The following TBC1D16 variants were observed in gnomAD, a reference collection of about 807,000 sequenced individuals.
TBC1D16 encodes the protein TBC1 domain family member 16.
TBC1D16 carries 58 observed loss-of-function variants against 74.7 expected under a neutral mutation model. The observed-to-expected ratio is 0.78, with a 90% CI of 0.63 to 0.97. The LOEUF (loss-of-function observed/expected upper bound fraction) is 0.97. Among genes scored for constraint, TBC1D16 ranks in the 50% least tolerant of loss-of-function variants. The pLI, the probability that TBC1D16 is intolerant of heterozygous loss-of-function variation, is 0.00. For synonymous variants in TBC1D16, 493 were observed against 474.7 expected, an observed-to-expected ratio of 1.04 and a Z score of -0.50; for missense variants, 1,014 against 1,079.5, an observed-to-expected ratio of 0.94 and a Z score of 0.85.
intron 3 of TBC1D16, among the ~76,000 whole-genome samples, chr17:80,004,329 G>A (rs986476016): frequency 3.3e-5 from 5 of 152,186 alleles, no homozygotes; most frequent in South Asian, 2.1e-4. Flanking sequence ...CCTGCTTTGC[G>A]TCTGATTCAC....
chr17:80,010,234 C>A lies in TBC1D16; in HGVS notation c.705G>T (p.Ser235=). The A allele has an allele frequency of 6.2e-7, 1 of 1,613,268 alleles. No homozygotes were observed. Among genetic ancestry groups the A allele is most frequent in the South Asian group, 1.1e-5 (1 of 90,986 alleles). ...SFDSDSDTFS[S]PFCLSPISAA... ...CGCTGATGGGCGAGAGGCAGAAGGG[C>A]GAGGAGAAGGTGTCTGAGTCTGAGT... The change falls in exon 3 of 12, where the codon TCG becomes TCT. Residue 235 remains serine, a synonymous_variant. Transcript: ENST00000310924. This position sits in a 1 kb window ranked among gnomAD's most constrained non-coding sequence, Gnocchi z 8.8.
rs149469365 is a variant in TBC1D16 at position 80,007,087 on chromosome 17, C to T, written c.779+3073G>A. Among the ~76,000 whole-genome samples, 1,659 of 152,360 alleles carry T rather than the reference C, an allele frequency of 0.011. 17 individuals carry two copies. Among genetic ancestry groups the T allele is most frequent in the Middle Eastern group, 0.034 (10 of 294 alleles). ...GGGGTGGGGAGAGTCCCATCCACATCCACCTCGTCCCAGCACAAAGCTGCA... is the reference window on the plus strand; with the variant it reads ...GGGGTGGGGAGAGTCCCATCCACATTCACCTCGTCCCAGCACAAAGCTGCA... On this transcript the variant is annotated intron_variant, in intron 3 of 11. Coordinates refer to ENST00000310924, the MANE Select transcript of TBC1D16 (RefSeq NM_019020.4). This position sits in a 1 kb window ranked among gnomAD's most constrained non-coding sequence, Gnocchi z 4.5.
chr17:80,002,630 T>C lies in TBC1D16; in HGVS notation c.779+7530A>G, dbSNP rs556854517. Among the ~76,000 whole-genome samples the C allele has an allele frequency of 7.2e-5, 11 of 152,322 alleles. No individual in the cohort carries two copies. The East Asian group carries it at 2.1e-3, about 29-fold the overall frequency. ...TGTCCTGCTGGGAGGGTCGCTACGTTTCTAGGGTCCACCTTCCATCCTCCC... is the reference window on the plus strand; with the variant it reads ...TGTCCTGCTGGGAGGGTCGCTACGTCTCTAGGGTCCACCTTCCATCCTCCC... On this transcript the variant is annotated intron_variant, in intron 3 of 11. Transcript: ENST00000310924.
In TBC1D16 at chr17:80,001,641, C is replaced by G. The variant is rs1047792788; in HGVS notation, c.779+8519G>C. On this transcript the variant is annotated intron_variant, in intron 3 of 11. Coordinates refer to ENST00000310924, the MANE Select transcript of TBC1D16 (RefSeq NM_019020.4). This position sits in a 1 kb window ranked among gnomAD's most constrained non-coding sequence, Gnocchi z 5.8. ...AGGATGCAGCCCTCCCAGCTCCTGG[C>G]CATCCCACCTCCGAGGTCTCTCTGG... Among the ~76,000 whole-genome samples, 1 of 152,264 alleles carries G rather than the reference C, an allele frequency of 6.6e-6. No individual in the cohort carries two copies. Among genetic ancestry groups the G allele is most frequent in the Admixed American group, 6.5e-5 (1 of 15,304 alleles).
chr17:79,960,807 A>AC (rs2033573801), intron 3 of TBC1D16, among the ~76,000 whole-genome samples: 6 of 141,622 alleles, frequency 4.2e-5, no homozygotes, highest in African/African-American at 1.3e-4. Context: ...AAAAAAAAAA[A>AC]AACGAAGGAA....
intron 9 of TBC1D16, among the ~76,000 whole-genome samples, chr17:79,946,534 C>T (rs1247610459): frequency 1.3e-5 from 2 of 152,214 alleles, no homozygotes; most frequent in African/African-American, 2.4e-5. Context: ...CTGGGGAACC[C>T]CGTTCTACAA....
Position 80,013,554 on chromosome 17 carries a change from G to T in TBC1D16, c.-7C>A. ...GGAGGCGGCCCAGAGACATTGCCGG[G>T]CAAGTGTTTCCATCCTCCGCATGCG... is the stretch of plus-strand genomic sequence containing the variant. On this transcript the variant is annotated 5_prime_UTR_variant, in exon 2 of 12. Coordinates refer to ENST00000310924, the MANE Select transcript of TBC1D16 (RefSeq NM_019020.4). The T allele has an allele frequency of 6.7e-7, 1 of 1,493,580 alleles. No homozygotes were observed. Among genetic ancestry groups the T allele is most frequent in the Non-Finnish European group, 8.9e-7 (1 of 1,119,500 alleles). 92.5% of individuals were successfully genotyped at this position (1,493,580 alleles called of 1,614,324 possible). A position where few individuals can be genotyped will look rare whatever the true frequency, so the allele number is the denominator to read the frequency against.
At chr17:79,942,335 G>A (rs2650236) in intron 10 of TBC1D16, 129 bp from the exon 11 acceptor site, 455,935 of 1,024,164 alleles carry the variant, frequency 0.45, 103,732 homozygotes, top group East Asian at 0.46. Flanking sequence ...AGCCCAGCTC[G>A]GGGGCCGTGT....
intron 3 of TBC1D16, among the ~76,000 whole-genome samples, chr17:79,957,551 G>C (rs2033391624): frequency 6.6e-6 from 1 of 152,172 alleles, no homozygotes; most frequent in African/African-American, 2.4e-5. Flanking sequence ...CTGGCGGGGA[G>C]GTAGGAAGGT....
intron 1 of TBC1D16, among the ~76,000 whole-genome samples, chr17:80,017,208 C>T (rs1475647953): frequency 2.6e-5 from 4 of 152,062 alleles, no homozygotes; most frequent in African/African-American, 7.3e-5. Context: ...CTCTCTGGGC[C>T]GGAGAGTCTC....
At chr17:80,028,798 T>C (rs141893344) in intron 1 of TBC1D16, among the ~76,000 whole-genome samples, 36 of 151,852 alleles carry the variant, frequency 2.4e-4, no homozygotes, top group African/African-American at 8.7e-4. Flanking sequence ...TTTTTTAGTA[T>C]AGACGGGGTT....
intron 9 of TBC1D16, among the ~76,000 whole-genome samples, chr17:79,945,562 G>A (rs78301454): frequency 0.03 from 4,624 of 152,282 alleles, 212 homozygotes; most frequent in African/African-American, 0.099. Context: ...TGAGCCCCAG[G>A]ATGCTCGATT....
chr17:80,000,382 C>T lies in TBC1D16; in HGVS notation c.779+9778G>A, dbSNP rs2035442168. Among the ~76,000 whole-genome samples the T allele has an allele frequency of 6.6e-6, 1 of 152,204 alleles. No homozygotes were observed. The highest frequency in any genetic ancestry group is 1.5e-5 in the Non-Finnish European group (1 of 68,042). On this transcript the variant is annotated intron_variant, in intron 3 of 11. Coordinates refer to ENST00000310924, the MANE Select transcript of TBC1D16 (RefSeq NM_019020.4). This position sits in a 1 kb window ranked among gnomAD's most constrained non-coding sequence, Gnocchi z 4.1. ...AGAAGAGAGGGCACACAAAGGGACA[C>T]ACCCTGTCCATGTGGCAACAGAGGC...
intron 3 of TBC1D16, among the ~76,000 whole-genome samples, chr17:79,991,748 C>T (rs1475535523): frequency 4.0e-5 from 6 of 151,562 alleles, no homozygotes; most frequent in Non-Finnish European, 4.4e-5. Flanking sequence ...GCGTGCACCG[C>T]AGGCAGCGGC....
rs990727640 is a variant in TBC1D16, at chr17:79,979,148, G to T, written c.780-26330C>A. Among the ~76,000 whole-genome samples, 2 of 152,250 alleles carry T rather than the reference G, an allele frequency of 1.3e-5. No homozygotes were observed. The highest frequency in any genetic ancestry group is 2.9e-5 in the Non-Finnish European group (2 of 68,048). On this transcript the variant is annotated intron_variant, in intron 3 of 11. Transcript: ENST00000310924. This position sits in a 1 kb window ranked among gnomAD's most constrained non-coding sequence, Gnocchi z 4.8. ...CTGTCCATCAGCAGCACACCTGGGA[G>T]ATTCTGCCCAACCTAGGGAAAGGAG...
chr17:79,945,101 C>G lies in TBC1D16; in HGVS notation c.1729-14G>C, dbSNP rs369694839. On this transcript the variant is annotated splice_polypyrimidine_tract_variant and intron_variant, in intron 9 of 11. Transcript: ENST00000310924. Reference sequence around the variant, plus strand: ...GCGCAGGTACAGCTGGGGGTGAGGCCGTCACGCGTTAGTTAGCTCCGGTCC... The same window carrying G: ...GCGCAGGTACAGCTGGGGGTGAGGCGGTCACGCGTTAGTTAGCTCCGGTCC... The G allele has an allele frequency of 2.6e-6, 4 of 1,567,126 alleles. No individual in the cohort carries two copies. The highest frequency in any genetic ancestry group is 1.7e-6 in the Non-Finnish European group (2 of 1,157,010).
In TBC1D16 at chr17:79,990,970, C is replaced by T. The variant is rs1191552869; in HGVS notation, c.779+19190G>A. Among the ~76,000 whole-genome samples the T allele has an allele frequency of 6.6e-6, 1 of 152,242 alleles. No individual in the cohort carries two copies. ...GGTGTGTGTGGAACATGTGTGTGAA[C>T]ACACCGCGTTTCTCTAGTCACCCGT... is the stretch of plus-strand genomic sequence containing the variant. On this transcript the variant is annotated intron_variant, in intron 3 of 11. Transcript: ENST00000310924. The surrounding 1 kb of genome is among the most constrained non-coding windows in gnomAD (Gnocchi z 4.8).
At chr17:79,995,750 ACTC>A (rs1330735001) in intron 3 of TBC1D16, among the ~76,000 whole-genome samples, 8 of 152,188 alleles carry the variant, frequency 5.3e-5, no homozygotes, top group Non-Finnish European at 1.2e-4. Context: ...GCGCCCCTGC[ACTC>A]CAACCTGGGC....
intron 1 of TBC1D16, among the ~76,000 whole-genome samples, chr17:80,013,867 A>T (rs1416169087): frequency 2.0e-5 from 3 of 152,158 alleles, no homozygotes; most frequent in African/African-American, 7.2e-5. Flanking sequence ...AAACTAGAAC[A>T]TCTCCAGGCT....
Sources: gnomAD v4.1 joint callset for allele counts (sites outside exome capture counted in the v4.1 genomes callset) on GRCh38, gnomAD v4.1.1 for gene constraint, Gnocchi (gnomAD v3.1) non-coding constraint, MANE v1.5 for transcripts, NCBI Gene and HGNC (gene_info 2026-07-23, HGNC 2026-07-21) for gene names.